CELSR3: variants seen among roughly 807,000 people sequenced by gnomAD.
The protein encoded by CELSR3 is EGF-like protein 1.
Under a neutral mutation model 270.0 loss-of-function variants are expected in CELSR3, and 73 were observed. The observed-to-expected ratio is 0.27, with a 90% CI of 0.22 to 0.33. CELSR3 has a LOEUF of 0.33. Ranked by LOEUF, CELSR3 falls within the 10% of genes least tolerant of loss-of-function variation. The pLI, the probability that CELSR3 is intolerant of heterozygous loss-of-function variation, is 1.00. For synonymous variants in CELSR3, 1,780 were observed against 1,905.4 expected, an observed-to-expected ratio of 0.93 and a Z score of 1.71; for missense variants, 3,614 against 4,533.8, an observed-to-expected ratio of 0.80 and a Z score of 5.83.
rs1203585538 is a variant in CELSR3 at position 48,641,415 on chromosome 3, G to T, written c.8934C>A (p.Thr2978=). 2 of 1,612,506 alleles carry T rather than the reference G, an allele frequency of 1.2e-6. No homozygotes were observed. Among genetic ancestry groups the T allele is most frequent in the Non-Finnish European group, 1.7e-6 (2 of 1,179,668 alleles). ...GGTTGTTGTTAGCTGCATCCTTGCT[G>T]GTGTCCAGCCCCAGGCGCCTTTCAG... ...WGSERRLGLD[T]SKDAANNNQP... Residue 2978 remains threonine (T), a synonymous_variant, in exon 33 of 35, where the codon ACC becomes ACA. Coordinates refer to ENST00000164024, the MANE Select transcript of CELSR3 (RefSeq NM_001407.3). The surrounding 1 kb of genome is among the most constrained non-coding windows in gnomAD (Gnocchi z 4.8).
intron 18 of CELSR3, 52 bp from the exon 19 acceptor site, chr3:48,648,513 G>A: frequency 6.8e-7 from 1 of 1,478,136 alleles, no homozygotes; most frequent in Non-Finnish European, 9.0e-7. Context: ...GGATGTATGA[G>A]GGGATAGGGC....
rs370986995 is a variant in CELSR3, at chr3:48,646,279, C to A, written c.7296-22G>T. ...AAGCCTGGGGAGACACCCATCTGGG[C>A]TTACGCACTGCTGACCTCCCCATGC... On this transcript the variant is annotated intron_variant, in intron 21 of 34. Coordinates refer to ENST00000164024, the MANE Select transcript of CELSR3 (RefSeq NM_001407.3). The surrounding 1 kb of genome is among the most constrained non-coding windows in gnomAD (Gnocchi z 4.8). The A allele has an allele frequency of 4.4e-6, 7 of 1,599,428 alleles. No individual in the cohort carries two copies. Among genetic ancestry groups the A allele is most frequent in the Non-Finnish European group, 5.1e-6 (6 of 1,171,286 alleles).
In CELSR3 at chr3:48,659,960, C is replaced by T. The variant is rs771709882; in HGVS notation, c.2675G>A (p.Arg892His). The part of the protein sequence containing the change: ...ASDDDVGENA[R>H]ITYLLEDNLP... The stretch of plus-strand genomic sequence containing the variant: ...GTTGTCCTCCAGGAGATAGGTGATA[C>T]GAGCATTCTCACCCACGTCATCATC... The change falls in exon 1 of 35, where the codon CGT becomes CAT. Residue 892 changes from arginine (R) to histidine (H), a missense_variant. Arg to His is a conservative substitution (Grantham distance 29). Coordinates refer to ENST00000164024, the MANE Select transcript of CELSR3 (RefSeq NM_001407.3). This position sits in a 1 kb window ranked among gnomAD's most constrained non-coding sequence, Gnocchi z 8.1. 28 of 1,613,942 alleles carry T rather than the reference C, an allele frequency of 1.7e-5. No homozygotes were observed. The East Asian group carries it at 2.7e-4, about 15-fold the overall frequency.
Position 48,646,120 on chromosome 3 carries a change from G to A in CELSR3, c.7433C>T (p.Ala2478Val), listed in dbSNP as rs760028781. ...AGGTGGGTCCCACTGCACACAGATC[G>A]CCTTGCTCCGATTCGCTGTCTGTAG... The part of the protein sequence containing the change: ...RLLQTANRSK[A>V]ICVQWDPPGL... The change falls in exon 22 of 35, where the codon GCG becomes GTG. Residue 2478 changes from alanine (A) to valine (V), a missense_variant. Ala to Val is a moderately conservative substitution (Grantham distance 64). This residue lies in a region of CELSR3 where 1,240 missense variants were observed against 1,351.7 expected (regional missense o/e 0.92). Coordinates refer to ENST00000164024, the MANE Select transcript of CELSR3 (RefSeq NM_001407.3). This position sits in a 1 kb window ranked among gnomAD's most constrained non-coding sequence, Gnocchi z 4.8. 1.2e-6 allele frequency: 2 copies of A among 1,612,776 alleles called. No homozygotes were observed. The highest frequency in any genetic ancestry group is 2.2e-5 in the East Asian group (1 of 44,892).
rs1348404055 is a variant in CELSR3 at position 48,655,181 on chromosome 3, C to T, written c.4851G>A (p.Gly1617=). ...YYNKPRTDAL[G]GAQGPSKDKV... ...TGTCCTTGGAGGGGCCCTGTGCACC[C>T]CCTAGGGCATCTGTCCGGGGCTGAA... Residue 1617 remains glycine, a synonymous_variant, in exon 6 of 35, where the codon GGG becomes GGA. Transcript: ENST00000164024. This position sits in a 1 kb window ranked among gnomAD's most constrained non-coding sequence, Gnocchi z 5.8. 3.1e-6 allele frequency: 5 copies of T among 1,613,896 alleles called. No individual in the cohort carries two copies. The highest frequency in any genetic ancestry group is 4.2e-6 in the Non-Finnish European group (5 of 1,179,902).
Position 48,654,974 on chromosome 3 carries a change from A to C in CELSR3, c.4988+70T>G. On this transcript the variant is annotated intron_variant, in intron 6 of 34. Transcript: ENST00000164024. This position sits in a 1 kb window ranked among gnomAD's most constrained non-coding sequence, Gnocchi z 5.4. ...AGAGTTTGGCAGGATGGGATGAGGA[A>C]TGGGATGTGAAGGGTTGGAGTGGGC... 7.0e-7 allele frequency: 1 copy of C among 1,431,678 alleles called. No homozygotes were observed. Among genetic ancestry groups the C allele is most frequent in the African/African-American group, 1.4e-5 (1 of 71,074 alleles). The allele number at this position is 1,431,678 out of a possible 1,614,324, so 88.7% of individuals were successfully genotyped here.
intron 34 of CELSR3, among the ~76,000 whole-genome samples, chr3:48,638,456 G>A (rs2106693547): frequency 6.6e-6 from 1 of 152,222 alleles, no homozygotes; most frequent in Middle Eastern, 3.4e-3. Flanking sequence ...TTTTCTCTAA[G>A]TGCTTCAAGA....
rs778527510 is a variant in CELSR3 at position 48,640,311 on chromosome 3, CA to C, written c.9273del (p.Val3092PhefsTer5). Reference sequence around the variant, plus strand: ...CCTGGCCGGCTCAGGGGACGTAGAACAGGGGCAGGGGCTTCCTCTAGTCGCT... The same window carrying C: ...CCTGGCCGGCTCAGGGGACGTAGAACGGGGCAGGGGCTTCCTCTAGTCGCT... ...SRERLEEAPAPVLRPLSRPGS... is the reference protein window; with the variant it reads ...SRERLEEAPAXVLRPLSRPGS... On this transcript the variant is annotated frameshift_variant, in exon 34 of 35. Transcript: ENST00000164024. LOFTEE classifies it high-confidence loss of function. This position sits in a 1 kb window ranked among gnomAD's most constrained non-coding sequence, Gnocchi z 7.5. 3 of 1,611,600 alleles carry C rather than the reference CA, an allele frequency of 1.9e-6. No individual in the cohort carries two copies. The highest frequency in any genetic ancestry group is 2.5e-6 in the Non-Finnish European group (3 of 1,178,826).
intron 20 of CELSR3, among the ~76,000 whole-genome samples, 191 bp downstream of exon 20, chr3:48,647,650 T>TGGGAGGGTGGAGGGGAGATGTGGGA: frequency 5.9e-5 from 1 of 17,030 alleles, no homozygotes; most frequent in Admixed American, 8.6e-4. Flanking sequence ...AGGGGAGATG[T>TGGGAGGGTGGAGGGGAGATGTGGGA]GGGAGGGTGG....
In CELSR3 at chr3:48,651,560, C is replaced by T; in HGVS notation, c.6065+17G>A. ...TCCCTGCCAGGTCTCCCCATCGCCT[C>T]AGCCCCAGCCTCTTACCTGTGCTCA... On this transcript the variant is annotated intron_variant, in intron 13 of 34. Transcript: ENST00000164024. The surrounding 1 kb of genome is among the most constrained non-coding windows in gnomAD (Gnocchi z 7.4). 6.3e-7 allele frequency: 1 copy of T among 1,587,044 alleles called. No individual in the cohort carries two copies. The highest frequency in any genetic ancestry group is 8.6e-7 in the Non-Finnish European group (1 of 1,163,752).
chr3:48,652,051 G>A lies in CELSR3; in HGVS notation c.5752-3C>T. 6.5e-7 allele frequency: 1 copy of A among 1,534,272 alleles called. No individual in the cohort carries two copies. Among genetic ancestry groups the A allele is most frequent in the Non-Finnish European group, 8.7e-7 (1 of 1,145,674 alleles). ...GGTGTGGAGCCGAGCCACACCCCCT[G>A]TGGACACACAGCCAGCAAGGGGTGA... On this transcript the variant is annotated splice_polypyrimidine_tract_variant and splice_region_variant and intron_variant, in intron 11 of 34. Transcript: ENST00000164024. The surrounding 1 kb of genome is among the most constrained non-coding windows in gnomAD (Gnocchi z 4.3).
chr3:48,642,897 G>C lies in CELSR3; in HGVS notation c.8407-13C>G, dbSNP rs772783874. On this transcript the variant is annotated splice_polypyrimidine_tract_variant and intron_variant, in intron 29 of 34. Coordinates refer to ENST00000164024, the MANE Select transcript of CELSR3 (RefSeq NM_001407.3). This position sits in a 1 kb window ranked among gnomAD's most constrained non-coding sequence, Gnocchi z 6.1. ...AGGCCCCAGGTCCCTGGGGGTGGTA[G>C]GGACAGAGTGTGAGCTAACCCTGAA... 2 of 1,612,582 alleles carry C rather than the reference G, an allele frequency of 1.2e-6. No individual in the cohort carries two copies. The highest frequency in any genetic ancestry group is 1.7e-6 in the Non-Finnish European group (2 of 1,179,612).
intron 34 of CELSR3, among the ~76,000 whole-genome samples, chr3:48,638,859 A>G (rs1002043995): frequency 1.3e-5 from 2 of 150,880 alleles, no homozygotes; most frequent in Admixed American, 6.6e-5. Context: ...GGTCCTGCTC[A>G]GTTCTGTCGA....
rs1015914717 is a variant in CELSR3, at chr3:48,658,255, G to A, written c.3748+632C>T. ...CAGTGAAGCCTATTTCCCAACCTCT[G>A]CAGCCTCCAGTAGGCAGAACTTCAA... On this transcript the variant is annotated intron_variant, in intron 1 of 34. Coordinates refer to ENST00000164024, the MANE Select transcript of CELSR3 (RefSeq NM_001407.3). This position sits in a 1 kb window ranked among gnomAD's most constrained non-coding sequence, Gnocchi z 4.7. Among the ~76,000 whole-genome samples the A allele has an allele frequency of 2.0e-5, 3 of 152,162 alleles. No individual in the cohort carries two copies. Among genetic ancestry groups the A allele is most frequent in the Non-Finnish European group, 4.4e-5 (3 of 68,024 alleles).
Position 48,650,524 on chromosome 3 carries a change from T to G in CELSR3, c.6428A>C (p.Lys2143Thr). 6.4e-7 allele frequency: 1 copy of G among 1,558,624 alleles called. No individual in the cohort carries two copies. Among genetic ancestry groups the G allele is most frequent in the Non-Finnish European group, 8.7e-7 (1 of 1,152,506 alleles). ...LRSGVWWPQTKFGVLATVPCP... is the reference protein window; with the variant it reads ...LRSGVWWPQTTFGVLATVPCP... ...GGGCACTGTGGCCAGGACGCCAAAC[T>G]TTGTCTGGGGCCACCACACACCAGA... The change falls in exon 16 of 35, where the codon AAG (lysine) becomes ACG (threonine). Residue 2143 changes from lysine to threonine, a missense_variant. Around this residue, in one of 7 missense-constraint regions of CELSR3, gnomAD observed 1,331 missense variants for 1,933.7 expected, o/e 0.69. Transcript: ENST00000164024. The surrounding 1 kb of genome is among the most constrained non-coding windows in gnomAD (Gnocchi z 5.1).
At position 48,652,601 on chromosome 3, in the gene CELSR3, C is replaced by A. The variant is rs757396676; in HGVS notation, c.5635-48G>T. ...CACTGAGGGAGAGGGGCCTGATGAA[C>A]CCCTGTCATAGCCCAGAGTCAGTCT... On this transcript the variant is annotated intron_variant, in intron 10 of 34. Transcript: ENST00000164024. This position sits in a 1 kb window ranked among gnomAD's most constrained non-coding sequence, Gnocchi z 4.3. 2 of 1,426,088 alleles carry A rather than the reference C, an allele frequency of 1.4e-6. No homozygotes were observed. The highest frequency in any genetic ancestry group is 2.3e-5 in the East Asian group (1 of 43,712). The allele number at this position is 1,426,088 out of a possible 1,614,324, so 88.3% of individuals were successfully genotyped here.
At position 48,655,525 on chromosome 3, in the gene CELSR3, G is replaced by A. The variant is rs948215135; in HGVS notation, c.4742-131C>T. ...AGTCCCCCCACTGGTGACCACAATG[G>A]CTGGCTCAGAGTGCCTTTGAACAGA... On this transcript the variant is annotated intron_variant, in intron 4 of 34. Transcript: ENST00000164024. This position sits in a 1 kb window ranked among gnomAD's most constrained non-coding sequence, Gnocchi z 5.8. The A allele has an allele frequency of 4.0e-6, 4 of 996,788 alleles. No individual in the cohort carries two copies. In the African/African-American group the frequency reaches 4.8e-5, roughly 12 times the overall value. 61.7% of individuals were successfully genotyped at this position (996,788 alleles called of 1,614,324 possible). A position where few individuals can be genotyped will look rare whatever the true frequency, so the allele number is the denominator to read the frequency against.
chr3:48,647,922 G>C lies in CELSR3; in HGVS notation c.7048C>G (p.Leu2350Val), dbSNP rs779079515. ...TCCCAGGCATCCTGGCCTCGAAAGA[G>C]GTTGCTATGGTAGCGAGGGTAGCGA... ...ARRYPRYHSN[L>V]FRGQDAWDPH... The change falls in exon 20 of 35, where the codon CTC (leucine) becomes GTC (valine). Residue 2350 changes from leucine to valine, a missense_variant. Transcript: ENST00000164024. 1.3e-5 allele frequency: 21 copies of C among 1,612,176 alleles called. No individual in the cohort carries two copies. Among genetic ancestry groups the C allele is most frequent in the Non-Finnish European group, 1.8e-5 (21 of 1,179,718 alleles).
At chr3:48,638,411 C>T (rs1042305523) in intron 34 of CELSR3, among the ~76,000 whole-genome samples, 179 bp from the exon 35 acceptor site, 1 of 152,136 alleles carries the variant, frequency 6.6e-6, no homozygotes, top group South Asian at 2.1e-4. Context: ...ATTCCGCGCC[C>T]CTAGACTCAG....
Sources: gnomAD v4.1 joint callset for allele counts (sites outside exome capture counted in the v4.1 genomes callset) on GRCh38, gnomAD v4.1.1 for gene constraint, gnomAD v4.1.1 regional missense constraint, Gnocchi (gnomAD v3.1) non-coding constraint, MANE v1.5 for transcripts, NCBI Gene and HGNC (gene_info 2026-07-23, HGNC 2026-07-21) for gene names.